The following PTPRN2 variants were observed in gnomAD, a reference collection of about 807,000 sequenced individuals.
The protein encoded by PTPRN2 is protein tyrosine phosphatase receptor type N2, also known as receptor-type tyrosine-protein phosphatase N2.
A neutral mutation model predicts 118.8 loss-of-function variants in PTPRN2; 74 were observed. That is an observed-to-expected ratio of 0.62 (90% CI 0.52 to 0.76). PTPRN2 has a LOEUF of 0.76. Among genes scored for constraint, PTPRN2 ranks in the 30% least tolerant of loss-of-function variants. The pLI, the probability that PTPRN2 is intolerant of heterozygous loss-of-function variation, is 0.00. For synonymous variants in PTPRN2, 641 were observed against 608.0 expected (o/e 1.05, Z -0.80); for missense variants, 1,481 against 1,394.4 (o/e 1.06, Z -0.99).
At chr7:157,811,771 G>A (rs891724499) in intron 12 of PTPRN2, among the ~76,000 whole-genome samples, 1 of 152,120 alleles carries the variant, frequency 6.6e-6, no homozygotes, top group African/African-American at 2.4e-5. Flanking sequence ...ATCTGACGAG[G>A]TCCAAACAGC....
intron 12 of PTPRN2, 150 bp downstream of exon 12, chr7:157,898,523 G>T (rs907828015): frequency 8.9e-6 from 7 of 784,470 alleles, no homozygotes; most frequent in South Asian, 6.5e-5. Context: ...ACCCGCAGAG[G>T]ATGCTCCTGC....
At chr7:157,830,608 C>T (rs898638240) in intron 12 of PTPRN2, among the ~76,000 whole-genome samples, 3 of 152,222 alleles carry the variant, frequency 2.0e-5, no homozygotes, top group Admixed American at 6.5e-5. Flanking sequence ...CACACATCAC[C>T]ACATGCTGAA....
chr7:157,697,514 C>T (rs1339072002), intron 12 of PTPRN2, among the ~76,000 whole-genome samples: 2 of 132,400 alleles, frequency 1.5e-5, no homozygotes, highest in African/African-American at 3.0e-5. Flanking sequence ...GAGCCCTCAC[C>T]ATCTACCCAT....
At chr7:157,978,161 GGT>G (rs986181797) in intron 11 of PTPRN2, among the ~76,000 whole-genome samples, 1 of 151,978 alleles carries the variant, frequency 6.6e-6, no homozygotes, top group African/African-American at 2.4e-5. Context: ...CCAGCTCTCA[GGT>G]GTGTTTTGTG....
intron 21 of PTPRN2, among the ~76,000 whole-genome samples, chr7:157,557,930 C>T (rs1798985787): frequency 6.6e-6 from 1 of 150,404 alleles, no homozygotes; most frequent in African/African-American, 2.5e-5. Flanking sequence ...AGTCACCATC[C>T]CCAATACTCC....
chr7:158,309,262 G>GCCTGGGTGGGCACCA (rs1801518522), intron 3 of PTPRN2, among the ~76,000 whole-genome samples: 1 of 2,058 alleles, frequency 4.9e-4, no homozygotes, highest in Admixed American at 3.7e-3. Flanking sequence ...CCCACCCTCA[G>GCCTGGGTGGGCACCA]TCTGGGTGGG....
chr7:157,634,904 G>A (rs377589054), intron 14 of PTPRN2, among the ~76,000 whole-genome samples: 4 of 152,332 alleles, frequency 2.6e-5, no homozygotes, highest in East Asian at 3.9e-4. Flanking sequence ...CTTGGACACC[G>A]CGTGTGGGAG....
chr7:158,202,971 T>C (rs898857098), intron 4 of PTPRN2, among the ~76,000 whole-genome samples: 4 of 152,070 alleles, frequency 2.6e-5, no homozygotes, highest in Non-Finnish European at 5.9e-5. Context: ...TGGTGGCTCA[T>C]GCCTGTAATC....
rs1436831648 is a variant in PTPRN2, at chr7:158,316,814, C to T, written c.277+5G>A. The T allele has an allele frequency of 1.3e-6, 2 of 1,595,336 alleles. No individual in the cohort carries two copies. Among genetic ancestry groups the T allele is most frequent in the Middle Eastern group, 1.7e-4 (1 of 5,984 alleles). On this transcript the variant is annotated splice_donor_5th_base_variant and intron_variant, in intron 3 of 22. Transcript: ENST00000389418. ...CCGCCGAGCCTCGGCCCACGCCCGCCCTACCTGTGCCGGAAAGCTTCTGCA... is the reference window on the plus strand; with the variant it reads ...CCGCCGAGCCTCGGCCCACGCCCGCTCTACCTGTGCCGGAAAGCTTCTGCA...
chr7:158,569,941 C>T (rs1263387233), intron 1 of PTPRN2, among the ~76,000 whole-genome samples: 3 of 152,088 alleles, frequency 2.0e-5, no homozygotes, highest in African/African-American at 2.4e-5. Context: ...GGCGCCCTCC[C>T]GGCCTCCCTC....
chr7:158,166,936 C>T lies in PTPRN2; in HGVS notation c.905G>A (p.Gly302Asp). ...LGDSEDPSSTGDGARIHTLLK... is the reference protein window; with the variant it reads ...LGDSEDPSSTDDGARIHTLLK... ...ACCAAGCGGGGCTGGCTCACCATCG[C>T]CTGTGCTGGAGGGGTCTTCGGAATC... is the stretch of plus-strand genomic sequence containing the variant. The change falls in exon 6 of 23, where the codon GGC (glycine) becomes GAC (aspartate). Residue 302 changes from glycine to aspartate, a missense_variant. Around this residue, in one of 3 missense-constraint regions of PTPRN2, gnomAD observed 1,115 missense variants for 994.2 expected, o/e 1.12. Coordinates refer to ENST00000389418, the MANE Select transcript of PTPRN2 (RefSeq NM_002847.5). 1 of 1,426,328 alleles carries T rather than the reference C, an allele frequency of 7.0e-7. No individual in the cohort carries two copies. 88.4% of individuals were successfully genotyped at this position (1,426,328 alleles called of 1,614,324 possible).
At chr7:157,811,266 A>G (rs1806017912) in intron 12 of PTPRN2, among the ~76,000 whole-genome samples, 1 of 126,714 alleles carries the variant, frequency 7.9e-6, no homozygotes, top group African/African-American at 3.6e-5. Context: ...GCGAGACTCC[A>G]TCTCAAAAAA....
intron 11 of PTPRN2, among the ~76,000 whole-genome samples, chr7:157,971,416 T>C (rs912565742): frequency 1.3e-5 from 2 of 152,204 alleles, no homozygotes; most frequent in Non-Finnish European, 2.9e-5. Flanking sequence ...AAATTGAAGT[T>C]GGTGGGGTTT....
intron 2 of PTPRN2, among the ~76,000 whole-genome samples, chr7:158,319,797 G>T (rs377566921): frequency 2.9e-4 from 1 of 3,490 alleles, no homozygotes; most frequent in African/African-American, 1.5e-3. Flanking sequence ...AGCCTCCCTC[G>T]TACACACACA....
intron 11 of PTPRN2, among the ~76,000 whole-genome samples, chr7:158,032,241 C>T (rs993224664): frequency 1.3e-5 from 2 of 152,150 alleles, no homozygotes; most frequent in South Asian, 2.1e-4. Flanking sequence ...GCAAGATGCC[C>T]TCTGTGGGGA....
chr7:157,971,616 C>T (rs866541379), intron 11 of PTPRN2, among the ~76,000 whole-genome samples: 3 of 152,086 alleles, frequency 2.0e-5, no homozygotes, highest in Admixed American at 6.5e-5. Flanking sequence ...AACTGCCACC[C>T]TGTTTTACGA....
At chr7:158,100,377 A>G (rs1257651678) in intron 10 of PTPRN2, among the ~76,000 whole-genome samples, 1 of 152,184 alleles carries the variant, frequency 6.6e-6, no homozygotes, top group East Asian at 1.9e-4. Flanking sequence ...GTGTGCAAAT[A>G]TCTTTCTCGT....
At chr7:158,130,258 C>T (rs1023594104) in intron 9 of PTPRN2, among the ~76,000 whole-genome samples, 3 of 152,204 alleles carry the variant, frequency 2.0e-5, no homozygotes, top group Non-Finnish European at 4.4e-5. Flanking sequence ...GCAGCTCCCA[C>T]CTCCAGTGCG....
rs138859598 is a variant in PTPRN2, at chr7:158,296,588, C to T, written c.277+20231G>A. 1.3e-3 allele frequency among the ~76,000 whole-genome samples: 196 copies of T among 152,328 alleles called. 1 individual carries two copies. The highest frequency in any genetic ancestry group is 1.4e-3 in the Non-Finnish European group (96 of 68,030). On this transcript the variant is annotated intron_variant, in intron 3 of 22. Transcript: ENST00000389418. ...AACTAAAAAAGCACCCTGTAACACA[C>T]GCCCACTGGGGCTTTAGGAGCTGTA... is the stretch of plus-strand genomic sequence containing the variant.
Sources: gnomAD v4.1 joint callset for allele counts (sites outside exome capture counted in the v4.1 genomes callset) on GRCh38, gnomAD v4.1.1 for gene constraint, gnomAD v4.1.1 regional missense constraint, MANE v1.5 for transcripts, NCBI Gene and HGNC (gene_info 2026-07-23, HGNC 2026-07-21) for gene names.